The following KCNK1 variants were observed in gnomAD, a reference collection of about 807,000 sequenced individuals.
KCNK1 encodes the protein potassium channel subfamily K member 1.
In KCNK1, 10 loss-of-function variants were observed where a neutral mutation model predicts 22.2. The ratio of observed to expected loss-of-function variants is 0.45; its 90% CI spans 0.28 to 0.76. The LOEUF is 0.76. KCNK1 is among the 30% of genes least tolerant of loss of function. The pLI, the probability that KCNK1 is intolerant of heterozygous loss-of-function variation, is 0.14. For missense variants in KCNK1, 378 were observed against 421.0 expected (o/e 0.90, Z 0.89); for synonymous variants, 200 against 186.4 (o/e 1.07, Z -0.60).
At position 233,614,311 on chromosome 1, in the gene KCNK1, C is replaced by T. The variant is rs1457210328; in HGVS notation, c.140C>T (p.Pro47Leu). The T allele has an allele frequency of 1.9e-6, 3 of 1,612,466 alleles. No individual in the cohort carries two copies. Among genetic ancestry groups the T allele is most frequent in the Admixed American group, 3.3e-5 (2 of 59,866 alleles). ...GTGGTCTTCTCCTCGGTGGAGCTGC[C>T]CTATGAGGACCTGCTGCGCCAGGAG... ...GAVVFSSVEL[P>L]YEDLLRQELR... The change falls in exon 1 of 3, where the codon CCC (proline) becomes CTC (leucine). Residue 47 changes from proline to leucine, a missense_variant. Physicochemically the swap from Pro to Leu is moderately conservative, Grantham distance 98. Transcript: ENST00000366621.
intron 1 of KCNK1, chr1:233,637,475 A>G (rs576155007): frequency 6.6e-6 from 1 of 152,352 alleles, no homozygotes; most frequent in East Asian, 1.9e-4. Context: ...AAAACTCACC[A>G]ATATACATAC....
Position 233,614,285 on chromosome 1 carries a change from A to AGTGGTCTTCTCCTCG in KCNK1, c.119_133dup (p.Val40_Val44dup). The AGTGGTCTTCTCCTCG allele has an allele frequency of 6.2e-7, 1 of 1,613,292 alleles. No homozygotes were observed. Among genetic ancestry groups the AGTGGTCTTCTCCTCG allele is most frequent in the Non-Finnish European group, 8.5e-7 (1 of 1,179,844 alleles). On this transcript the variant is annotated inframe_insertion, in exon 1 of 3. Coordinates refer to ENST00000366621, the MANE Select transcript of KCNK1 (RefSeq NM_002245.4). ...ACTTGCTCTACCTGGTCTTCGGCGC[A>AGTGGTCTTCTCCTCG]GTGGTCTTCTCCTCGGTGGAGCTGC... is the stretch of plus-strand genomic sequence containing the variant.
At chr1:233,634,033 C>A (rs920926728) in intron 1 of KCNK1, among the ~76,000 whole-genome samples, 2 of 152,052 alleles carry the variant, frequency 1.3e-5, no homozygotes, top group African/African-American at 4.8e-5. Context: ...TTGGGCCGGG[C>A]GCAGTGGCTT....
intron 1 of KCNK1, among the ~76,000 whole-genome samples, chr1:233,618,003 A>G (rs1226981824): frequency 2.0e-5 from 3 of 152,152 alleles, no homozygotes; most frequent in African/African-American, 7.2e-5. Flanking sequence ...AGCAAGGCCT[A>G]TTTGTTCAGA....
At chr1:233,634,609 G>A (rs1657865690) in intron 1 of KCNK1, among the ~76,000 whole-genome samples, 1 of 152,210 alleles carries the variant, frequency 6.6e-6, no homozygotes, top group African/African-American at 2.4e-5. Context: ...TGAAGGCAGA[G>A]TTTTTAGCAA....
chr1:233,632,677 C>A (rs1657821960), intron 1 of KCNK1, among the ~76,000 whole-genome samples: 1 of 152,032 alleles, frequency 6.6e-6, no homozygotes, highest in South Asian at 2.1e-4. Context: ...TTTGTCCTTC[C>A]CTGCATTGGT....
chr1:233,632,564 A>G (rs1232966659), intron 1 of KCNK1, among the ~76,000 whole-genome samples: 2 of 151,702 alleles, frequency 1.3e-5, no homozygotes, highest in Non-Finnish European at 2.9e-5. Context: ...TGGTGGTTTG[A>G]TCTCTGTTGT....
intron 1 of KCNK1, among the ~76,000 whole-genome samples, chr1:233,657,733 A>T (rs79972457): frequency 6.6e-6 from 1 of 152,098 alleles, no homozygotes; most frequent in Non-Finnish European, 1.5e-5. Flanking sequence ...AGAGAGAAAG[A>T]CAGCCTGGTC....
At chr1:233,614,606 C>G (rs1657449914) in intron 1 of KCNK1, 80 bp downstream of exon 1, 1 of 1,109,516 alleles carries the variant, frequency 9.0e-7, no homozygotes, top group African/African-American at 1.6e-5. Flanking sequence ...CGCCCCGGGC[C>G]CCTCTAACCC....
At chr1:233,658,156 G>C (rs192566267) in intron 1 of KCNK1, among the ~76,000 whole-genome samples, 1 of 152,060 alleles carries the variant, frequency 6.6e-6, no homozygotes, top group Non-Finnish European at 1.5e-5. Context: ...GCTAAGAAAG[G>C]TTCAACACAT....
At chr1:233,615,309 C>G (rs1194181375) in intron 1 of KCNK1, among the ~76,000 whole-genome samples, 1 of 152,218 alleles carries the variant, frequency 6.6e-6, no homozygotes, top group Non-Finnish European at 1.5e-5. Context: ...CTTCGAAGCG[C>G]CACGTCCCCG....
At chr1:233,619,924 C>T (rs971658127) in intron 1 of KCNK1, among the ~76,000 whole-genome samples, 15 of 8,306 alleles carry the variant, frequency 1.8e-3, no homozygotes, top group Non-Finnish European at 4.1e-3. Context: ...GCGAGGGGGG[C>T]GGGGGGGCGG....
At chr1:233,631,393 T>C (rs1207812146) in intron 1 of KCNK1, 2 of 453,506 alleles carry the variant, frequency 4.4e-6, no homozygotes, top group Non-Finnish European at 4.6e-6. Context: ...TGTGTTTCTC[T>C]TTAATGATAG....
intron 1 of KCNK1, among the ~76,000 whole-genome samples, chr1:233,638,752 G>A (rs1339718045): frequency 7.9e-5 from 12 of 152,224 alleles, no homozygotes; most frequent in African/African-American, 1.7e-4. Flanking sequence ...CCATGGGCTC[G>A]ATGACTAAGT....
At chr1:233,651,680 C>T (rs575943774) in intron 1 of KCNK1, among the ~76,000 whole-genome samples, 40 of 152,300 alleles carry the variant, frequency 2.6e-4, no homozygotes, top group African/African-American at 8.9e-4. Context: ...ACTCTCTCTT[C>T]GAATGTCCCA....
chr1:233,648,733 A>T (rs1203613827), intron 1 of KCNK1, among the ~76,000 whole-genome samples: 4 of 151,826 alleles, frequency 2.6e-5, no homozygotes, highest in Admixed American at 2.6e-4. Context: ...CACCCGGCTG[A>T]TTTTTGTATT....
intron 1 of KCNK1, among the ~76,000 whole-genome samples, chr1:233,662,271 T>TCTTCTTCTCCTC (rs1553267164): frequency 6.0e-5 from 4 of 67,106 alleles, no homozygotes; most frequent in African/African-American, 1.7e-4. Flanking sequence ...TTCTTCTTCT[T>TCTTCTTCTCCTC]CTCCTCCTCC....
At chr1:233,634,118 C>T (rs891437810) in intron 1 of KCNK1, among the ~76,000 whole-genome samples, 1 of 151,896 alleles carries the variant, frequency 6.6e-6, no homozygotes, top group African/African-American at 2.4e-5. Flanking sequence ...CCAGCCTGGC[C>T]AACACAGTGA....
chr1:233,647,510 C>A (rs1658120852), intron 1 of KCNK1, among the ~76,000 whole-genome samples: 1 of 152,150 alleles, frequency 6.6e-6, no homozygotes, highest in African/African-American at 2.4e-5. Context: ...TGGAGAGTTT[C>A]TGCCCTTTAC....
Sources: gnomAD v4.1 joint callset for allele counts (sites outside exome capture counted in the v4.1 genomes callset) on GRCh38, gnomAD v4.1.1 for gene constraint, MANE v1.5 for transcripts, NCBI Gene and HGNC (gene_info 2026-07-23, HGNC 2026-07-21) for gene names.